Variants in ARHGEF12 observed in about 807,000 individuals in gnomAD.
ARHGEF12 encodes Rho guanine nucleotide exchange factor 12, also known as KMT2A/ARHGEF12 fusion protein.
Under a neutral mutation model 211.2 loss-of-function variants are expected in ARHGEF12, and 66 were observed. The observed-to-expected ratio is 0.31, with a 90% CI of 0.26 to 0.38. The LOEUF (loss-of-function observed/expected upper bound fraction) is 0.38, where lower values mean the gene tolerates loss of function less well. ARHGEF12 is among the 10% of genes least tolerant of loss of function. The pLI, the probability that ARHGEF12 is intolerant of heterozygous loss-of-function variation, is 1.00. For synonymous variants in ARHGEF12, 592 were observed against 638.4 expected, an observed-to-expected ratio of 0.93 and a Z score of 1.09; for missense variants, 1,429 against 1,869.5, an observed-to-expected ratio of 0.76 and a Z score of 4.34.
intron 8 of ARHGEF12, among the ~76,000 whole-genome samples, chr11:120,428,574 C>T (rs893013755): frequency 2.0e-5 from 3 of 152,068 alleles, no homozygotes; most frequent in South Asian, 2.1e-4. Context: ...TTTACTGTTA[C>T]GTTTCCAGTA....
chr11:120,373,335 T>C (rs1943638389), intron 1 of ARHGEF12, among the ~76,000 whole-genome samples: 1 of 152,222 alleles, frequency 6.6e-6, no homozygotes, highest in Admixed American at 6.5e-5. Context: ...CAATATACTT[T>C]TTAAAATATG....
chr11:120,428,055 C>G lies in ARHGEF12; in HGVS notation c.407-14C>G. 6.6e-7 allele frequency: 1 copy of G among 1,521,868 alleles called. No homozygotes were observed. The highest frequency in any genetic ancestry group is 2.2e-5 in the Admixed American group (1 of 46,232). 94.3% of individuals were successfully genotyped at this position (1,521,868 alleles called of 1,614,324 possible). On this transcript the variant is annotated splice_polypyrimidine_tract_variant and intron_variant, in intron 7 of 40. Transcript: ENST00000397843. ...TTTCCCTTCCCTTCCCTTTTTCCGT[C>G]TCCCCACCCCAAGCTGGTTCCTATG...
chr11:120,389,146 C>T (rs779852290), intron 1 of ARHGEF12, among the ~76,000 whole-genome samples: 12 of 152,210 alleles, frequency 7.9e-5, no homozygotes, highest in Non-Finnish European at 1.3e-4. Context: ...GCTAGGATTA[C>T]AGGCATGAGC....
In ARHGEF12 at chr11:120,486,139, A is replaced by G. The variant is rs1209780052; in HGVS notation, c.*1062A>G. ...GGGAAGGTTATCTAACTGAATCACT[A>G]CTGAGTTGAATCATGGCTATCATTA... On this transcript the variant is annotated 3_prime_UTR_variant, in exon 41 of 41. Coordinates refer to ENST00000397843, the MANE Select transcript of ARHGEF12 (RefSeq NM_015313.3). 4 of 233,448 alleles carry G rather than the reference A, an allele frequency of 1.7e-5. No homozygotes were observed. The highest frequency in any genetic ancestry group is 2.5e-5 in the Non-Finnish European group (3 of 117,974). The allele number at this position is 233,448 out of a possible 1,614,324, so 14.5% of individuals were successfully genotyped here.
chr11:120,457,375 A>G (rs879520646), intron 23 of ARHGEF12, 125 bp downstream of exon 23: 3 of 1,165,274 alleles, frequency 2.6e-6, no homozygotes, highest in Non-Finnish European at 3.4e-6. Context: ...CTATAATGCC[A>G]GCTACTTGGG....
chr11:120,457,077 T>TA, intron 22 of ARHGEF12, 41 bp from the exon 23 acceptor site: 2 of 1,579,520 alleles, frequency 1.3e-6, no homozygotes, highest in South Asian at 2.4e-5. Context: ...GTGACTTTAT[T>TA]AAGTATTAAC....
intron 1 of ARHGEF12, among the ~76,000 whole-genome samples, chr11:120,401,728 C>CT (rs1944552559): frequency 6.6e-6 from 1 of 152,124 alleles, no homozygotes; most frequent in Non-Finnish European, 1.5e-5. Context: ...GTAACCTGAT[C>CT]TTTTTTCTTA....
At chr11:120,370,965 C>A (rs1591511731) in intron 1 of ARHGEF12, among the ~76,000 whole-genome samples, 1 of 152,078 alleles carries the variant, frequency 6.6e-6, no homozygotes, top group African/African-American at 2.4e-5. Flanking sequence ...GGAAATGAGT[C>A]CCCGCTTCGT....
intron 38 of ARHGEF12, among the ~76,000 whole-genome samples, chr11:120,480,995 G>A (rs375786265): frequency 6.6e-6 from 1 of 152,168 alleles, no homozygotes; most frequent in Non-Finnish European, 1.5e-5. Context: ...TTTGGCAGGG[G>A]AAGTGGTAGC....
chr11:120,386,168 G>A (rs746289732), intron 1 of ARHGEF12, among the ~76,000 whole-genome samples: 51 of 152,216 alleles, frequency 3.4e-4, no homozygotes, highest in Non-Finnish European at 5.0e-4. Context: ...AGAAGCTGCC[G>A]AGTTGCTGTG....
At chr11:120,359,575 A>G (rs1943224507) in intron 1 of ARHGEF12, among the ~76,000 whole-genome samples, 1 of 152,196 alleles carries the variant, frequency 6.6e-6, no homozygotes, top group African/African-American at 2.4e-5. Context: ...TCCCACCACA[A>G]ATACTTACGG....
At chr11:120,442,377 T>C (rs1418173357) in intron 15 of ARHGEF12, among the ~76,000 whole-genome samples, 175 bp downstream of exon 15, 1 of 151,408 alleles carries the variant, frequency 6.6e-6, no homozygotes, top group Non-Finnish European at 1.5e-5. Flanking sequence ...TAAAGTAGTT[T>C]AGGCATATGA....
At chr11:120,418,307 G>A (rs933563472) in intron 4 of ARHGEF12, among the ~76,000 whole-genome samples, 2 of 152,116 alleles carry the variant, frequency 1.3e-5, no homozygotes, top group Non-Finnish European at 2.9e-5. Context: ...CTATGTTGGA[G>A]TCATGTAGTG....
Position 120,486,666 on chromosome 11 carries a change from CTG to C in ARHGEF12, c.*1592_*1593del, listed in dbSNP as rs1947405911. 2 of 222,954 alleles carry C rather than the reference CTG, an allele frequency of 9.0e-6. No individual in the cohort carries two copies. Among genetic ancestry groups the C allele is most frequent in the East Asian group, 6.5e-5 (1 of 15,332 alleles). 13.8% of individuals were successfully genotyped at this position (222,954 alleles called of 1,614,324 possible). On this transcript the variant is annotated 3_prime_UTR_variant, in exon 41 of 41. Transcript: ENST00000397843. Reference sequence around the variant, plus strand: ...ATCTTTCATTGGTGCCCTCTGAACTCTGTGGGTTGCTAGGATGTAATTTTAAT... The same window carrying C: ...ATCTTTCATTGGTGCCCTCTGAACTCTGGGTTGCTAGGATGTAATTTTAAT...
At chr11:120,472,196 A>G (rs1165799571) in intron 30 of ARHGEF12, among the ~76,000 whole-genome samples, 2 of 152,226 alleles carry the variant, frequency 1.3e-5, no homozygotes, top group Non-Finnish European at 2.9e-5. Context: ...ACATATAGGA[A>G]TACCAAAGGA....
rs374696746 is a variant in ARHGEF12, at chr11:120,429,812, A to G, written c.764A>G (p.Lys255Arg). The G allele has an allele frequency of 1.8e-5, 29 of 1,613,688 alleles. No homozygotes were observed. The highest frequency in any genetic ancestry group is 6.6e-5 in the South Asian group (6 of 90,986). ...HIPQLQEQLSKATGSAQDGAV... is the reference protein window; with the variant it reads ...HIPQLQEQLSRATGSAQDGAV... ...CCTCAGCTGCAAGAGCAGTTATCCA[A>G]AGCCACAGGCTCTGCTCAGGTAGCA... The change falls in exon 10 of 41, where the codon AAA becomes AGA. Residue 255 changes from lysine to arginine, a missense_variant. Around this residue, in one of 7 missense-constraint regions of ARHGEF12, gnomAD observed 254 missense variants for 286.4 expected, o/e 0.89. Transcript: ENST00000397843.
At chr11:120,354,672 A>C (rs930004837) in intron 1 of ARHGEF12, among the ~76,000 whole-genome samples, 3 of 152,184 alleles carry the variant, frequency 2.0e-5, no homozygotes, top group African/African-American at 7.2e-5. Flanking sequence ...CTAGAAGAAA[A>C]TCTAGAAGAG....
chr11:120,467,588 G>T (rs1370870086), intron 29 of ARHGEF12, among the ~76,000 whole-genome samples: 2 of 147,486 alleles, frequency 1.4e-5, no homozygotes, highest in Non-Finnish European at 3.0e-5. Context: ...GACTACAGGG[G>T]TACACCACCA....
In ARHGEF12 at chr11:120,343,184, T is replaced by G. The variant is rs566016639; in HGVS notation, c.32+5909T>G. Among the ~76,000 whole-genome samples the G allele has an allele frequency of 1.4e-3, 211 of 152,356 alleles. 1 individual carries two copies. Among genetic ancestry groups the G allele is most frequent in the Middle Eastern group, 3.4e-3 (1 of 294 alleles). ...GAAAAAGTGCATATTTAGATTATTA[T>G]AAAATCTGTAAGACTGTAGACCTTT... On this transcript the variant is annotated intron_variant, in intron 1 of 40. Coordinates refer to ENST00000397843, the MANE Select transcript of ARHGEF12 (RefSeq NM_015313.3).
Sources: allele counts gnomAD v4.1 joint callset (sites outside exome capture counted in the v4.1 genomes callset), GRCh38; gene constraint gnomAD v4.1.1; regional missense constraint gnomAD v4.1.1; transcripts MANE v1.5; gene names NCBI Gene and HGNC (gene_info 2026-07-23, HGNC 2026-07-21).